Variants in SPEF2 observed in about 807,000 individuals in gnomAD.
SPEF2 encodes sperm flagella and cilia-associated protein 2.
A neutral mutation model predicts 224.6 loss-of-function variants in SPEF2; 187 were observed. The observed-to-expected ratio is 0.83, with a 90% CI of 0.74 to 0.94. SPEF2 has a LOEUF of 0.94. Among genes scored for constraint, SPEF2 ranks in the 40% least tolerant of loss-of-function variants. The probability of loss-of-function intolerance (pLI) is 0.00; values close to 1 mark genes in which losing one functional copy is unlikely to be tolerated. For missense variants in SPEF2, 2,170 were observed against 2,135.6 expected, an observed-to-expected ratio of 1.02 and a Z score of -0.32; for synonymous variants, 715 against 707.3, an observed-to-expected ratio of 1.01 and a Z score of -0.17.
chr5:35,685,266 G>A (rs910098530), intron 10 of SPEF2, among the ~76,000 whole-genome samples: 1 of 152,162 alleles, frequency 6.6e-6, no homozygotes, highest in East Asian at 1.9e-4. Flanking sequence ...CTTACTATGA[G>A]TACTTTGGGG....
chr5:35,734,185 A>T (rs1379634131), intron 21 of SPEF2, among the ~76,000 whole-genome samples: 1 of 152,144 alleles, frequency 6.6e-6, no homozygotes, highest in Non-Finnish European at 1.5e-5. Context: ...TGGTTCAGAA[A>T]CTGGGTCTTA....
chr5:35,794,182 A>ACTG (rs1250496771), intron 32 of SPEF2, among the ~76,000 whole-genome samples: 13 of 152,338 alleles, frequency 8.5e-5, no homozygotes, highest in African/African-American at 3.1e-4. Context: ...TAAAAACAAA[A>ACTG]TTTCATAACT....
chr5:35,618,709 C>T (rs1743016807), intron 1 of SPEF2, among the ~76,000 whole-genome samples: 1 of 152,178 alleles, frequency 6.6e-6, no homozygotes, highest in South Asian at 2.1e-4. Context: ...TTGGCTCTTG[C>T]CCAAAGCTGA....
Position 35,687,906 on chromosome 5 carries a change from G to A in SPEF2, c.1525-3131G>A, listed in dbSNP as rs1013503190. Among the ~76,000 whole-genome samples, 15 of 151,732 alleles carry A rather than the reference G, an allele frequency of 9.9e-5. No individual in the cohort carries two copies. In the South Asian group the frequency reaches 2.5e-3, roughly 25 times the overall value. On this transcript the variant is annotated intron_variant, in intron 10 of 36. Coordinates refer to ENST00000356031, the MANE Select transcript of SPEF2 (RefSeq NM_024867.4). ...CCGTTGATTTTGTCAGCTTTTGCAA[G>A]CAAAAAAAATTGCAAGCAAAAAATT...
chr5:35,789,372 C>A (rs752532294), intron 30 of SPEF2: 1 of 703,334 alleles, frequency 1.4e-6, no homozygotes, highest in Admixed American at 2.0e-5. Context: ...ATGTATCAAA[C>A]AAGGTGAGAG....
At chr5:35,752,295 A>G (rs1749785254) in intron 23 of SPEF2, among the ~76,000 whole-genome samples, 1 of 151,936 alleles carries the variant, frequency 6.6e-6, no homozygotes, top group African/African-American at 2.4e-5. Flanking sequence ...GTGAATTATT[A>G]TTATTAATTT....
intron 1 of SPEF2, among the ~76,000 whole-genome samples, chr5:35,627,660 AG>A (rs1744462868): frequency 6.6e-6 from 1 of 152,208 alleles, no homozygotes; most frequent in African/African-American, 2.4e-5. Flanking sequence ...ACTATGTGGC[AG>A]GCATGGCACC....
At chr5:35,716,495 T>C (rs2149617146) in intron 20 of SPEF2, among the ~76,000 whole-genome samples, 1 of 152,234 alleles carries the variant, frequency 6.6e-6, no homozygotes, top group African/African-American at 2.4e-5. Context: ...GCATCCTTAA[T>C]AAAAGCATAC....
chr5:35,802,425 G>A (rs190855245), intron 34 of SPEF2, among the ~76,000 whole-genome samples: 6 of 152,092 alleles, frequency 3.9e-5, no homozygotes, highest in Non-Finnish European at 8.8e-5. Flanking sequence ...CTCGATTCGG[G>A]GGTATGGCAG....
At chr5:35,780,616 G>A (rs1754200095) in intron 30 of SPEF2, among the ~76,000 whole-genome samples, 1 of 152,120 alleles carries the variant, frequency 6.6e-6, no homozygotes, top group African/African-American at 2.4e-5. Context: ...TCTTCTACAT[G>A]GTGCGAGCTC....
At chr5:35,809,500 T>C (rs1758408161) in intron 36 of SPEF2, among the ~76,000 whole-genome samples, 1 of 152,036 alleles carries the variant, frequency 6.6e-6, no homozygotes, top group South Asian at 2.1e-4. Flanking sequence ...GACGTCTACA[T>C]GGATTTTGCT....
intron 33 of SPEF2, among the ~76,000 whole-genome samples, chr5:35,798,028 A>G (rs1756922636): frequency 6.6e-6 from 1 of 152,254 alleles, no homozygotes; most frequent in Non-Finnish European, 1.5e-5. Flanking sequence ...GGAAATCCTG[A>G]GAGTTCTATC....
intron 2 of SPEF2, among the ~76,000 whole-genome samples, chr5:35,640,775 G>T (rs1051521111): frequency 2.0e-5 from 3 of 152,122 alleles, no homozygotes; most frequent in African/African-American, 7.2e-5. Flanking sequence ...AGAGGAAACA[G>T]GACAGTAAGT....
chr5:35,624,603 C>T (rs1056860982), intron 1 of SPEF2, among the ~76,000 whole-genome samples: 1 of 151,598 alleles, frequency 6.6e-6, no homozygotes. Flanking sequence ...CACCTTTGTC[C>T]TCTCTCAATC....
intron 16 of SPEF2, among the ~76,000 whole-genome samples, chr5:35,703,104 T>A (rs1738996352): frequency 9.7e-6 from 1 of 103,162 alleles, no homozygotes; most frequent in East Asian, 2.1e-4. Flanking sequence ...ACTTTTTTAT[T>A]TTTTTTTTTA....
At chr5:35,701,491 A>T (rs1286644447) in intron 16 of SPEF2, among the ~76,000 whole-genome samples, 1 of 152,164 alleles carries the variant, frequency 6.6e-6, no homozygotes, top group Non-Finnish European at 1.5e-5. Flanking sequence ...TGGTAAATAC[A>T]TCAGGGAAAA....
chr5:35,711,662 T>C (rs1318963650), intron 19 of SPEF2, among the ~76,000 whole-genome samples: 1 of 144,408 alleles, frequency 6.9e-6, no homozygotes, highest in Non-Finnish European at 1.5e-5. Context: ...CTTCCAAATT[T>C]AGTGGTCAAC....
rs180895928 is a variant in SPEF2 at position 35,637,217 on chromosome 5, C to T, written c.162-4214C>T. ...CTCTTTTCCTACCACTATTAAGCAG[C>T]TTTTCTTAAATAAATGCTCCTTGAG... On this transcript the variant is annotated intron_variant, in intron 2 of 36. Coordinates refer to ENST00000356031, the MANE Select transcript of SPEF2 (RefSeq NM_024867.4). Among the ~76,000 whole-genome samples the T allele has an allele frequency of 2.3e-4, 35 of 152,140 alleles. No homozygotes were observed. The East Asian group carries it at 5.4e-3, about 24-fold the overall frequency.
chr5:35,789,819 T>C, intron 30 of SPEF2: 1 of 702,744 alleles, frequency 1.4e-6, no homozygotes, highest in Non-Finnish European at 2.6e-6. Context: ...GAAAAAGAGG[T>C]ATCCATCCTG....
Sources: allele counts gnomAD v4.1 joint callset (sites outside exome capture counted in the v4.1 genomes callset), GRCh38; gene constraint gnomAD v4.1.1; transcripts MANE v1.5; gene names NCBI Gene and HGNC (gene_info 2026-07-23, HGNC 2026-07-21).